C1orf94: variants seen among roughly 807,000 people sequenced by gnomAD.
The protein encoded by C1orf94 is chromosome 1 open reading frame 94.
C1orf94 carries 45 observed loss-of-function variants against 53.6 expected under a neutral mutation model. That is an observed-to-expected ratio of 0.84 (90% CI 0.66 to 1.08). The LOEUF is 1.08. C1orf94 is among the 50% of genes least tolerant of loss of function. C1orf94 has a pLI of 0.00. For synonymous variants in C1orf94, 304 were observed against 296.1 expected, an observed-to-expected ratio of 1.03 and a Z score of -0.27; for missense variants, 762 against 738.9, an observed-to-expected ratio of 1.03 and a Z score of -0.36.
At chr1:34,200,622 A>G in intron 2 of C1orf94, 150 bp from the exon 3 acceptor site, 2 of 1,035,322 alleles carry the variant, frequency 1.9e-6, no homozygotes, top group South Asian at 1.6e-5. Flanking sequence ...AGAGATTGGG[A>G]TTGTATTTGG....
intron 1 of C1orf94, among the ~76,000 whole-genome samples, chr1:34,181,017 C>T (rs1273517092): frequency 6.6e-6 from 1 of 152,174 alleles, no homozygotes; most frequent in Non-Finnish European, 1.5e-5. Context: ...GAGCTTACCA[C>T]TTCCCTTTGC....
rs57960800 is a variant in C1orf94 at position 34,169,926 on chromosome 1, C to T, written c.-251+2755C>T. 3.9e-3 allele frequency among the ~76,000 whole-genome samples: 590 copies of T among 152,316 alleles called. 4 individuals are homozygous for T. The highest frequency in any genetic ancestry group is 0.014 in the Middle Eastern group (4 of 294). ...AAGGTGAGGCTGTGGGCTTCTGAAA[C>T]CAGGAGGGAGAAGTGAGAAGGGGCC... On this transcript the variant is annotated intron_variant, in intron 1 of 6. Transcript: ENST00000373374.
intron 5 of C1orf94, 138 bp downstream of exon 5, chr1:34,208,372 A>G: frequency 2.5e-6 from 2 of 812,698 alleles, no homozygotes; most frequent in Non-Finnish European, 3.9e-6. Flanking sequence ...AGACTCACAT[A>G]CCGGCATGCG....
intron 1 of C1orf94, among the ~76,000 whole-genome samples, chr1:34,187,034 AG>A (rs1415469570): frequency 6.6e-6 from 1 of 152,192 alleles, no homozygotes; most frequent in African/African-American, 2.4e-5. Context: ...CGGTCATCAG[AG>A]GAAGCACAGA....
intron 4 of C1orf94, among the ~76,000 whole-genome samples, chr1:34,202,494 G>A (rs949126825): frequency 2.0e-5 from 3 of 152,088 alleles, no homozygotes; most frequent in East Asian, 1.9e-4. Flanking sequence ...GCATGCGTGC[G>A]CACACCTCCA....
intron 2 of C1orf94, among the ~76,000 whole-genome samples, chr1:34,198,168 A>T (rs1270802278): frequency 6.6e-6 from 1 of 152,232 alleles, no homozygotes; most frequent in African/African-American, 2.4e-5. Context: ...TGAGAAGAGA[A>T]ATAGGCGCCA....
chr1:34,212,216 C>T lies in C1orf94; in HGVS notation c.1531C>T (p.Pro511Ser). Residue 511 changes from proline to serine, a missense_variant, in exon 6 of 7, where the codon CCA (proline) becomes TCA (serine). By Grantham distance (74) the Pro-to-Ser change is moderately conservative (BLOSUM62 -1). Transcript: ENST00000488417. ...TCTTCTCTGTGATGTGCAGGTGATG[C>T]CATACAACCCACAGCAGATGGGACA... ...QLGCYSQQVMPYNPQQMGQQI... is the reference protein window; with the variant it reads ...QLGCYSQQVMSYNPQQMGQQI... 1.2e-6 allele frequency: 2 copies of T among 1,608,432 alleles called. No individual in the cohort carries two copies. The highest frequency in any genetic ancestry group is 2.7e-5 in the African/African-American group (2 of 74,758).
intron 4 of C1orf94, among the ~76,000 whole-genome samples, chr1:34,207,832 G>A (rs1642823652): frequency 6.6e-6 from 1 of 152,140 alleles, no homozygotes; most frequent in Non-Finnish European, 1.5e-5. Flanking sequence ...TTTTAGAGAA[G>A]GAAAAAGAGG....
upstream of C1orf94, among the ~76,000 whole-genome samples, chr1:34,175,466 T>C (rs571946436): frequency 2.0e-5 from 3 of 152,348 alleles, no homozygotes; most frequent in South Asian, 6.2e-4. Context: ...TAAAAGGTTT[T>C]CTACATTCTT....
chr1:34,187,768 CA>C (rs531561161), intron 1 of C1orf94, among the ~76,000 whole-genome samples: 1,654 of 30,266 alleles, frequency 0.055, 4 homozygotes, highest in Non-Finnish European at 0.062. Context: ...TGAATCCACC[CA>C]CCCCCCCCCC....
chr1:34,179,643 T>C (rs1642283788), intron 1 of C1orf94, among the ~76,000 whole-genome samples: 1 of 152,220 alleles, frequency 6.6e-6, no homozygotes, highest in Non-Finnish European at 1.5e-5. Context: ...GAGTTGATAA[T>C]GAGGATCCAA....
At chr1:34,171,423 A>G (rs1642143216) in intron 1 of C1orf94, among the ~76,000 whole-genome samples, 1 of 152,046 alleles carries the variant, frequency 6.6e-6, no homozygotes, top group Admixed American at 6.6e-5. Flanking sequence ...CATGGTGAAC[A>G]TTCAGGGAAT....
At chr1:34,208,287 C>G in intron 5 of C1orf94, 53 bp downstream of exon 5, 1 of 1,554,826 alleles carries the variant, frequency 6.4e-7, no homozygotes, top group South Asian at 1.2e-5. Flanking sequence ...GCCTTTGGGT[C>G]AGAGGGTGCA....
At position 34,214,140 on chromosome 1, in the gene C1orf94, C is replaced by T. The variant is rs761017529; in HGVS notation, c.1721+1734C>T. On this transcript the variant is annotated intron_variant, in intron 6 of 6. Transcript: ENST00000488417. ...CAAAGTGAAAACCATCAAAGTGGCC[C>T]GAGGACAAAGGCAGAATCCCTGCAG... Among the ~76,000 whole-genome samples the T allele has an allele frequency of 3.9e-5, 6 of 152,138 alleles. No homozygotes were observed. The East Asian group carries it at 5.8e-4, about 15-fold the overall frequency.
intron 2 of C1orf94, among the ~76,000 whole-genome samples, chr1:34,200,419 G>T (rs1425703735): frequency 6.6e-6 from 1 of 152,126 alleles, no homozygotes; most frequent in Non-Finnish European, 1.5e-5. Flanking sequence ...ATGAAGGGGT[G>T]GATGGATGGA....
chr1:34,176,902 G>T (rs1571333887), upstream of C1orf94, among the ~76,000 whole-genome samples: 2 of 150,718 alleles, frequency 1.3e-5, no homozygotes, highest in East Asian at 4.0e-4. Context: ...AACCCAGGGC[G>T]CCCCGCGCAC....
intron 6 of C1orf94, among the ~76,000 whole-genome samples, chr1:34,213,481 A>G (rs767722658): frequency 6.6e-6 from 1 of 152,212 alleles, no homozygotes; most frequent in African/African-American, 2.4e-5. Flanking sequence ...AGAATGTTCA[A>G]GAAGGTGGTC....
intron 4 of C1orf94, among the ~76,000 whole-genome samples, chr1:34,207,062 C>T (rs1344868078): frequency 6.6e-6 from 1 of 152,148 alleles, no homozygotes; most frequent in Non-Finnish European, 1.5e-5. Context: ...TAGGGTCAGC[C>T]ATCATCAACA....
rs774319801 is a variant in C1orf94, at chr1:34,212,374, T to G, written c.1689T>G (p.Asp563Glu). 1.6e-5 allele frequency: 26 copies of G among 1,609,576 alleles called. No individual in the cohort carries two copies. The highest frequency in any genetic ancestry group is 2.1e-5 in the Non-Finnish European group (25 of 1,178,798). Reference sequence around the variant, plus strand: ...GAGACCCTCCCCTAATGGCAGGAGATGGACCGCAGTACCTCTTTCCCCAAG... The same window carrying G: ...GAGACCCTCCCCTAATGGCAGGAGAGGGACCGCAGTACCTCTTTCCCCAAG... ...NPRDPPLMAG[D>E]GPQYLFPQGY... Residue 563 changes from aspartate to glutamate, a missense_variant, in exon 6 of 7, where the codon GAT (aspartate) becomes GAG (glutamate). Asp to Glu is a conservative substitution (Grantham distance 45). Coordinates refer to ENST00000488417, the MANE Select transcript of C1orf94 (RefSeq NM_001134734.2).
Sources: allele counts gnomAD v4.1 joint callset (sites outside exome capture counted in the v4.1 genomes callset), GRCh38; gene constraint gnomAD v4.1.1; transcripts MANE v1.5; gene names NCBI Gene and HGNC (gene_info 2026-07-23, HGNC 2026-07-21).